Variants in ANKHD1 observed in about 807,000 individuals in gnomAD.
The protein encoded by ANKHD1 is ankyrin repeat and KH domain containing 1, also known as ankyrin repeat and KH domain-containing protein 1.
Under a neutral mutation model 230.5 loss-of-function variants are expected in ANKHD1, and 31 were observed. That is an observed-to-expected ratio of 0.13 (90% CI 0.10 to 0.18). The LOEUF (loss-of-function observed/expected upper bound fraction) is 0.18, where lower values mean the gene tolerates loss of function less well. ANKHD1 is among the 10% of genes least tolerant of loss of function. The pLI, the probability that ANKHD1 is intolerant of heterozygous loss-of-function variation, is 1.00. For missense variants in ANKHD1, 2,256 were observed against 3,071.3 expected (o/e 0.73, Z 6.27); for synonymous variants, 1,074 against 1,117.6 (o/e 0.96, Z 0.78).
chr5:140,517,658 A>T (rs1200473456), intron 24 of ANKHD1, among the ~76,000 whole-genome samples: 1 of 132,692 alleles, frequency 7.5e-6, no homozygotes, highest in Admixed American at 8.0e-5. Flanking sequence ...GCTCAACTAC[A>T]TGGAAACTGA....
At chr5:140,505,604 T>A in intron 17 of ANKHD1, 120 bp from the exon 18 acceptor site, 1 of 1,388,972 alleles carries the variant, frequency 7.2e-7, no homozygotes, top group Non-Finnish European at 9.5e-7. Context: ...TTATGTTAAC[T>A]CATTATCAGT....
chr5:140,433,312 C>T (rs1485065764), intron 1 of ANKHD1, among the ~76,000 whole-genome samples: 1 of 152,110 alleles, frequency 6.6e-6, no homozygotes, highest in African/African-American at 2.4e-5. Context: ...GTGATCTGTC[C>T]GCCTTGGCTT....
chr5:140,416,867 T>A (rs935526650), intron 1 of ANKHD1, among the ~76,000 whole-genome samples: 16 of 151,666 alleles, frequency 1.1e-4, no homozygotes, highest in Admixed American at 5.9e-4. Context: ...TTTTTTTTTT[T>A]AATTTCTGCA....
chr5:140,438,595 C>A lies in ANKHD1; in HGVS notation c.595C>A (p.His199Asn). Residue 199 changes from histidine (H) to asparagine (N), a missense_variant, in exon 3 of 34, where the codon CAC (histidine) becomes AAC (asparagine). By Grantham distance (68) the His-to-Asn change is moderately conservative. Coordinates refer to ENST00000360839, the MANE Select transcript of ANKHD1 (RefSeq NM_017747.3). ...GACACGGATGAAAGCAGAAAACAGC[C>A]ACAATGCAGGACAAGTGGACACGTA... ...ALTRMKAENS[H>N]NAGQVDTRSL... 1.2e-6 allele frequency: 2 copies of A among 1,606,842 alleles called. No individual in the cohort carries two copies. Among genetic ancestry groups the A allele is most frequent in the South Asian group, 1.1e-5 (1 of 90,020 alleles).
In ANKHD1 at chr5:140,485,448, ATAAAT is replaced by A. The variant is rs1462194371; in HGVS notation, c.1999-140_1999-136del. Reference sequence around the variant, plus strand: ...CACACGTATGTATGTGTATATATATATAAATAATATGTGTATAGTTATAAAAATAT... The same window carrying A: ...CACACGTATGTATGTGTATATATATAAATATGTGTATAGTTATAAAAATAT... On this transcript the variant is annotated intron_variant, in intron 12 of 33. Coordinates refer to ENST00000360839, the MANE Select transcript of ANKHD1 (RefSeq NM_017747.3). This position sits in a 1 kb window ranked among gnomAD's most constrained non-coding sequence, Gnocchi z 4.8. 1.8e-6 allele frequency: 2 copies of A among 1,085,436 alleles called. No homozygotes were observed. The highest frequency in any genetic ancestry group is 2.5e-6 in the Non-Finnish European group (2 of 800,844). The allele number at this position is 1,085,436 out of a possible 1,614,324, so 67.2% of individuals were successfully genotyped here.
At chr5:140,510,986 T>C (rs1005620180) in intron 22 of ANKHD1, among the ~76,000 whole-genome samples, 3 of 151,906 alleles carry the variant, frequency 2.0e-5, no homozygotes, top group Non-Finnish European at 2.9e-5. Flanking sequence ...CATGCTCAGA[T>C]TTTTTTTATT....
intron 28 of ANKHD1, 30 bp downstream of exon 28, chr5:140,528,052 CTGAGTAG>C: frequency 6.2e-7 from 1 of 1,607,942 alleles, no homozygotes; most frequent in Non-Finnish European, 8.5e-7. Context: ...ACTGCTAGTT[CTGAGTAG>C]AAATTATAAG....
At chr5:140,461,299 A>G (rs1176007341) in intron 9 of ANKHD1, among the ~76,000 whole-genome samples, 1 of 152,182 alleles carries the variant, frequency 6.6e-6, no homozygotes, top group Non-Finnish European at 1.5e-5. Flanking sequence ...TTTCTACTGC[A>G]TTACCATTGA....
chr5:140,417,862 A>G (rs1290310736), intron 1 of ANKHD1, among the ~76,000 whole-genome samples: 1 of 124,728 alleles, frequency 8.0e-6, no homozygotes, highest in Admixed American at 9.4e-5. Flanking sequence ...TTTGAGACAG[A>G]GTCTCGCTCT....
At chr5:140,526,464 A>G in intron 26 of ANKHD1, 21 bp downstream of exon 26, 1 of 1,589,256 alleles carries the variant, frequency 6.3e-7, no homozygotes, top group Non-Finnish European at 8.6e-7. Flanking sequence ...CTGATTTGTT[A>G]ACTCTACCTG....
At chr5:140,534,739 A>G (rs1359528214) in intron 29 of ANKHD1, among the ~76,000 whole-genome samples, 1 of 152,194 alleles carries the variant, frequency 6.6e-6, no homozygotes, top group African/African-American at 2.4e-5. Context: ...CTCTTTTCCT[A>G]ATACATTTTC....
chr5:140,486,866 G>A (rs1561789474), intron 13 of ANKHD1, 92 bp from the exon 14 acceptor site: 1 of 1,291,570 alleles, frequency 7.7e-7, no homozygotes, highest in Admixed American at 2.8e-5. Context: ...GGTGGTATAT[G>A]AAGATAACCT....
At chr5:140,461,246 T>C (rs1177743936) in intron 9 of ANKHD1, among the ~76,000 whole-genome samples, 1 of 152,192 alleles carries the variant, frequency 6.6e-6, no homozygotes, top group Admixed American at 6.5e-5. Flanking sequence ...ACCAAGCTAA[T>C]AGGGACAGAG....
intron 1 of ANKHD1, among the ~76,000 whole-genome samples, chr5:140,425,465 C>G (rs1772331287): frequency 1.3e-5 from 2 of 152,048 alleles, no homozygotes; most frequent in African/African-American, 4.8e-5. Flanking sequence ...CACCCTGTTG[C>G]CCAGGCTGGT....
At chr5:140,422,451 AT>A (rs1211694700) in intron 1 of ANKHD1, among the ~76,000 whole-genome samples, 1 of 152,002 alleles carries the variant, frequency 6.6e-6, no homozygotes. Context: ...ATTCACAATT[AT>A]TTATTTAGAG....
intron 9 of ANKHD1, among the ~76,000 whole-genome samples, chr5:140,463,623 G>C (rs541499770): frequency 2.0e-4 from 31 of 152,032 alleles, no homozygotes; most frequent in Non-Finnish European, 4.3e-4. Context: ...GACCACCTCA[G>C]TACTTCCAAT....
At chr5:140,428,418 G>A (rs1351398461) in intron 1 of ANKHD1, among the ~76,000 whole-genome samples, 4 of 152,270 alleles carry the variant, frequency 2.6e-5, no homozygotes, top group Non-Finnish European at 4.4e-5. Flanking sequence ...CGGATCACTC[G>A]CGGTTAGGAG....
At chr5:140,469,709 ATATATCT>A (rs1776356652) in intron 10 of ANKHD1, among the ~76,000 whole-genome samples, 4 of 152,086 alleles carry the variant, frequency 2.6e-5, no homozygotes, top group Admixed American at 2.6e-4. Context: ...AAGGAGAGTA[ATATATCT>A]TTCACCATAG....
chr5:140,415,588 G>C (rs910728891), intron 1 of ANKHD1, among the ~76,000 whole-genome samples: 2 of 150,384 alleles, frequency 1.3e-5, no homozygotes, highest in Non-Finnish European at 3.0e-5. Flanking sequence ...ACAGGTGCAC[G>C]CCACCACGCC....
Sources: allele counts gnomAD v4.1 joint callset (sites outside exome capture counted in the v4.1 genomes callset), GRCh38; gene constraint gnomAD v4.1.1; non-coding constraint Gnocchi (gnomAD v3.1); transcripts MANE v1.5; gene names NCBI Gene and HGNC (gene_info 2026-07-23, HGNC 2026-07-21).